Variants in SNTB2 observed in about 807,000 individuals in gnomAD.
SNTB2 encodes beta-2-syntrophin.
SNTB2 carries 34 observed loss-of-function variants against 46.2 expected under a neutral mutation model. The ratio of observed to expected loss-of-function variants is 0.74; its 90% CI spans 0.56 to 0.98. SNTB2 has a LOEUF of 0.98. Among genes scored for constraint, SNTB2 ranks in the 50% least tolerant of loss-of-function variants. SNTB2 has a pLI of 0.00. For missense variants in SNTB2, 603 were observed against 731.4 expected (o/e 0.82, Z 2.02); for synonymous variants, 290 against 312.6 (o/e 0.93, Z 0.76).
At chr16:69,213,784 C>CACCGTG (rs1490737015) in intron 1 of SNTB2, among the ~76,000 whole-genome samples, 1 of 150,924 alleles carries the variant, frequency 6.6e-6, no homozygotes, top group African/African-American at 2.4e-5. Flanking sequence ...AGGTGTGAGC[C>CACCGTG]ACCGTGCCCA....
chr16:69,287,397 C>G (rs2143169544), intron 5 of SNTB2, among the ~76,000 whole-genome samples: 1 of 151,930 alleles, frequency 6.6e-6, no homozygotes, highest in South Asian at 2.1e-4. Flanking sequence ...TCGTGAAACC[C>G]CATATCTACT....
chr16:69,292,756 T>C (rs1212383276), intron 5 of SNTB2, among the ~76,000 whole-genome samples: 1 of 151,344 alleles, frequency 6.6e-6, no homozygotes, highest in African/African-American at 2.4e-5. Flanking sequence ...CCCGGCCGAG[T>C]GTTCACCTTC....
In SNTB2 at chr16:69,270,157, T is replaced by C. The variant is rs1424326466; in HGVS notation, c.1020T>C (p.Gly340=). Residue 340 remains glycine (G), a synonymous_variant, in exon 4 of 7, where the codon GGT becomes GGC. Coordinates refer to ENST00000336278, the MANE Select transcript of SNTB2 (RefSeq NM_006750.4). The part of the protein sequence containing the change: ...AWLAEQAKLD[G]GRQQWRPVLM... ...CATTGTAACAGGCAAAACTAGATGG[T>C]GGAAGACAGCAATGGAGACCTGTCC... is the stretch of plus-strand genomic sequence containing the variant. 1.9e-6 allele frequency: 3 copies of C among 1,613,718 alleles called. No homozygotes were observed. The African/African-American group carries it at 4.0e-5, about 22-fold the overall frequency.
intron 6 of SNTB2, 117 bp from the exon 7 acceptor site, chr16:69,300,715 G>A (rs960373563): frequency 2.8e-6 from 2 of 708,958 alleles, no homozygotes; most frequent in Non-Finnish European, 5.1e-6. Context: ...AAGTTCCTAA[G>A]AGTTTCCATA....
In SNTB2 at chr16:69,197,618, A is replaced by G. The variant is rs1381077940; in HGVS notation, c.580+9872A>G. On this transcript the variant is annotated intron_variant, in intron 1 of 6. Transcript: ENST00000336278. ...CTGCTTTTACTTTTGATATATTACT[A>G]TGTTATTTTACTTTTGGAAAACACC... Among the ~76,000 whole-genome samples, 3 of 152,118 alleles carry G rather than the reference A, an allele frequency of 2.0e-5. No individual in the cohort carries two copies. The East Asian group carries it at 5.8e-4, about 29-fold the overall frequency.
At position 69,235,590 on chromosome 16, in the gene SNTB2, G is replaced by A. The variant is rs1038276410; in HGVS notation, c.581-10012G>A. On this transcript the variant is annotated intron_variant, in intron 1 of 6. Transcript: ENST00000336278. ...TAGAAATGAGACCAAAGTGGGGGAGGGGGGAACTAAAAGGAAGGGAAAGGA... is the reference window on the plus strand; with the variant it reads ...TAGAAATGAGACCAAAGTGGGGGAGAGGGGAACTAAAAGGAAGGGAAAGGA... 4.1e-6 allele frequency: 3 copies of A among 732,958 alleles called. No individual in the cohort carries two copies. The Admixed American group carries it at 1.9e-4, about 46-fold the overall frequency. 45.4% of individuals were successfully genotyped at this position (732,958 alleles called of 1,614,324 possible).
chr16:69,255,711 A>T (rs13339473), intron 2 of SNTB2, among the ~76,000 whole-genome samples: 49,858 of 150,704 alleles, frequency 0.33, 8,907 homozygotes, highest in African/African-American at 0.45. Flanking sequence ...TGAATCCCCC[A>T]CTCTACTAAA....
chr16:69,261,096 G>T (rs566863718), intron 3 of SNTB2, among the ~76,000 whole-genome samples: 1 of 150,994 alleles, frequency 6.6e-6, no homozygotes, highest in Non-Finnish European at 1.5e-5. Flanking sequence ...GAGTGTTTAA[G>T]TGCTAGCTCT....
At chr16:69,284,006 T>C (rs1365478127) in intron 4 of SNTB2, 42 bp from the exon 5 acceptor site, 21 of 1,517,496 alleles carry the variant, frequency 1.4e-5, no homozygotes, top group Non-Finnish European at 1.9e-5. Flanking sequence ...TTTTGTCTGA[T>C]AATGTAGTTA....
At chr16:69,274,311 CA>C (rs367924448) in intron 4 of SNTB2, among the ~76,000 whole-genome samples, 532 of 125,648 alleles carry the variant, frequency 4.2e-3, no homozygotes, top group Middle Eastern at 4.5e-3. Flanking sequence ...GACTCTATCT[CA>C]AAAAAAAAAA....
chr16:69,214,845 T>A (rs1426479275), intron 1 of SNTB2, among the ~76,000 whole-genome samples: 1 of 149,814 alleles, frequency 6.7e-6, no homozygotes, highest in Non-Finnish European at 1.5e-5. Flanking sequence ...ATCTTAATAT[T>A]AATTTAATTT....
At chr16:69,237,577 C>CT (rs926025846) in intron 1 of SNTB2, among the ~76,000 whole-genome samples, 3 of 136,442 alleles carry the variant, frequency 2.2e-5, no homozygotes, top group Non-Finnish European at 4.8e-5. Context: ...GCCAGCATTT[C>CT]TTTTTTTTTC....
chr16:69,226,184 G>A (rs766295720), intron 1 of SNTB2, among the ~76,000 whole-genome samples: 1 of 151,884 alleles, frequency 6.6e-6, no homozygotes, highest in Non-Finnish European at 1.5e-5. Context: ...CAATTCTCCC[G>A]CCTCAGCCTC....
chr16:69,235,847 C>T (rs369169400), intron 1 of SNTB2: 36 of 1,288,906 alleles, frequency 2.8e-5, no homozygotes, highest in African/African-American at 1.4e-4. Flanking sequence ...AGTTTGAACC[C>T]GTTAGCTACC....
At chr16:69,231,525 G>GT (rs1445570116) in intron 1 of SNTB2, among the ~76,000 whole-genome samples, 2 of 152,182 alleles carry the variant, frequency 1.3e-5, no homozygotes, top group African/African-American at 4.8e-5. Context: ...GGAGGCAGAG[G>GT]TTGCAGAGAG....
chr16:69,270,104 A>G, intron 3 of SNTB2, 39 bp from the exon 4 acceptor site: 1 of 1,613,184 alleles, frequency 6.2e-7, no homozygotes, highest in Non-Finnish European at 8.5e-7. Flanking sequence ...AGACGTGATT[A>G]TAGTTAGCCC....
At chr16:69,230,062 C>T (rs1027441325) in intron 1 of SNTB2, among the ~76,000 whole-genome samples, 1 of 152,076 alleles carries the variant, frequency 6.6e-6, no homozygotes, top group African/African-American at 2.4e-5. Context: ...GCTGGGATTA[C>T]AGGCCTGAGC....
At chr16:69,217,928 G>A (rs1484651598) in intron 1 of SNTB2, among the ~76,000 whole-genome samples, 1 of 152,132 alleles carries the variant, frequency 6.6e-6, no homozygotes, top group Non-Finnish European at 1.5e-5. Context: ...TATTACTGAG[G>A]TCTCCTGTAG....
At chr16:69,206,358 A>G (rs1964219119) in intron 1 of SNTB2, among the ~76,000 whole-genome samples, 1 of 152,068 alleles carries the variant, frequency 6.6e-6, no homozygotes, top group East Asian at 1.9e-4. Context: ...TCCAGTAGAT[A>G]TACTATTTGA....
Sources: gnomAD v4.1 joint callset for allele counts (sites outside exome capture counted in the v4.1 genomes callset) on GRCh38, gnomAD v4.1.1 for gene constraint, MANE v1.5 for transcripts, NCBI Gene and HGNC (gene_info 2026-07-23, HGNC 2026-07-21) for gene names.